MEIKIN: variants seen among roughly 807,000 people sequenced by gnomAD.
MEIKIN encodes the protein meiotic kinetochore factor.
rs558547230 is a variant in MEIKIN, at chr5:131,866,691, G to GGAGGGAGGGAAGGTGAGAGAGC, written c.775-11879_775-11858dup. Among the ~76,000 whole-genome samples the GGAGGGAGGGAAGGTGAGAGAGC allele has an allele frequency of 1.1e-4, 16 of 152,328 alleles. No individual in the cohort carries two copies. The East Asian group carries it at 2.3e-3, about 22-fold the overall frequency. On this transcript the variant is annotated intron_variant, in intron 9 of 12. Transcript: ENST00000442687. The stretch of plus-strand genomic sequence containing the variant: ...GTCTGTGGCTGCCTCTTCAGCCCCA[G>GGAGGGAGGGAAGGTGAGAGAGC]GAGGGAGGGAAGGTGAGAGAGCAAG...
At chr5:131,864,340 T>C (rs188500886) in intron 9 of MEIKIN, among the ~76,000 whole-genome samples, 3 of 152,322 alleles carry the variant, frequency 2.0e-5, no homozygotes, top group Admixed American at 2.0e-4. Context: ...ACTTGTGAGT[T>C]TTATAGTTTC....
At chr5:131,847,149 A>C (rs1750035807) in intron 11 of MEIKIN, among the ~76,000 whole-genome samples, 1 of 152,170 alleles carries the variant, frequency 6.6e-6, no homozygotes, top group Non-Finnish European at 1.5e-5. Context: ...GAAGGACAAA[A>C]AAAGATAAAG....
intron 11 of MEIKIN, among the ~76,000 whole-genome samples, chr5:131,842,060 C>T (rs1749924984): frequency 6.6e-6 from 1 of 151,756 alleles, no homozygotes; most frequent in Non-Finnish European, 1.5e-5. Context: ...AGTGCAGTGG[C>T]ACGATCTTGG....
At position 131,942,622 on chromosome 5, in the gene MEIKIN, T is replaced by C. The variant is rs966151079; in HGVS notation, c.349+13A>G. On this transcript the variant is annotated intron_variant, in intron 4 of 12. Transcript: ENST00000442687. ...AACAGAAAGCTGAGGGAGTTCACAT[T>C]TGACAGTCTTACCTGATACTAGTTC... is the stretch of plus-strand genomic sequence containing the variant. The C allele has an allele frequency of 2.5e-6, 1 of 398,426 alleles. No individual in the cohort carries two copies. The highest frequency in any genetic ancestry group is 4.4e-5 in the Admixed American group (1 of 22,726). The allele number at this position is 398,426 out of a possible 1,614,324, so 24.7% of individuals were successfully genotyped here. A position where few individuals can be genotyped will look rare whatever the true frequency, so the allele number is the denominator to read the frequency against.
At chr5:131,885,456 T>C (rs1202501132) in intron 8 of MEIKIN, among the ~76,000 whole-genome samples, 1 of 134,322 alleles carries the variant, frequency 7.4e-6, no homozygotes, top group Non-Finnish European at 1.6e-5. Flanking sequence ...TGGGAGAAAG[T>C]AAGGGAAAAG....
At chr5:131,880,766 G>A (rs1429580105) in intron 8 of MEIKIN, among the ~76,000 whole-genome samples, 20 of 152,148 alleles carry the variant, frequency 1.3e-4, no homozygotes, top group Admixed American at 1.3e-3. Context: ...TTTATGACCT[G>A]TGTATTTCTT....
intron 8 of MEIKIN, among the ~76,000 whole-genome samples, chr5:131,907,487 A>G (rs1751260437): frequency 6.6e-6 from 1 of 151,648 alleles, no homozygotes; most frequent in Non-Finnish European, 1.5e-5. Flanking sequence ...ATTACAACTG[A>G]TACTGCAGAC....
chr5:131,878,794 G>C, intron 9 of MEIKIN, 184 bp downstream of exon 9: 1 of 362,602 alleles, frequency 2.8e-6, no homozygotes, highest in Non-Finnish European at 4.9e-6. Context: ...AGAACAGCTT[G>C]AGCCCAGAAG....
intron 5 of MEIKIN, among the ~76,000 whole-genome samples, chr5:131,928,637 G>T (rs2149650659): frequency 6.6e-6 from 1 of 152,110 alleles, no homozygotes; most frequent in African/African-American, 2.4e-5. Context: ...TCGTATACCA[G>T]AACTAAAAGT....
At chr5:131,815,407 T>A (rs1453655440) in intron 12 of MEIKIN, among the ~76,000 whole-genome samples, 2 of 151,824 alleles carry the variant, frequency 1.3e-5, no homozygotes, top group Non-Finnish European at 2.9e-5. Context: ...AATCAAGGGG[T>A]AGAAACAAAA....
chr5:131,873,218 G>C (rs1750540198), intron 9 of MEIKIN, among the ~76,000 whole-genome samples: 1 of 152,166 alleles, frequency 6.6e-6, no homozygotes, highest in Non-Finnish European at 1.5e-5. Flanking sequence ...TGGATAACGA[G>C]TCAAGACCCA....
At chr5:131,871,996 G>A (rs1750512023) in intron 9 of MEIKIN, among the ~76,000 whole-genome samples, 4 of 151,924 alleles carry the variant, frequency 2.6e-5, no homozygotes, top group Admixed American at 2.0e-4. Flanking sequence ...AAACCCATCC[G>A]TACGTCACCA....
intron 11 of MEIKIN, among the ~76,000 whole-genome samples, chr5:131,850,144 A>T (rs1580871724): frequency 6.6e-6 from 1 of 152,276 alleles, no homozygotes; most frequent in East Asian, 1.9e-4. Flanking sequence ...AAAGACCTAC[A>T]CAATAAAAAC....
chr5:131,899,610 GAC>G (rs1242351218), intron 8 of MEIKIN, among the ~76,000 whole-genome samples: 4 of 146,280 alleles, frequency 2.7e-5, no homozygotes, highest in Non-Finnish European at 6.0e-5. Flanking sequence ...CACCTATAAA[GAC>G]ACACACAGAC....
chr5:131,887,461 T>C (rs1750819764), intron 8 of MEIKIN, among the ~76,000 whole-genome samples: 2 of 152,182 alleles, frequency 1.3e-5, no homozygotes, highest in Non-Finnish European at 2.9e-5. Flanking sequence ...CCACCAACAG[T>C]GTAAAAGCAT....
intron 5 of MEIKIN, among the ~76,000 whole-genome samples, chr5:131,925,540 T>C (rs2149649413): frequency 6.6e-6 from 1 of 152,344 alleles, no homozygotes; most frequent in East Asian, 1.9e-4. Context: ...GTAAATGAGA[T>C]TGTTTTATTT....
intron 12 of MEIKIN, among the ~76,000 whole-genome samples, chr5:131,812,028 G>GA (rs1275681182): frequency 6.6e-6 from 1 of 152,122 alleles, no homozygotes; most frequent in African/African-American, 2.4e-5. Flanking sequence ...CGGCACCCTA[G>GA]AATTCCCCCT....
At chr5:131,855,746 G>A (rs1750181694) in intron 9 of MEIKIN, among the ~76,000 whole-genome samples, 1 of 152,038 alleles carries the variant, frequency 6.6e-6, no homozygotes, top group African/African-American at 2.4e-5. Flanking sequence ...GACAGAGAAG[G>A]ACAGTGAGAG....
chr5:131,906,504 C>G (rs1751245614), intron 8 of MEIKIN, among the ~76,000 whole-genome samples: 1 of 151,974 alleles, frequency 6.6e-6, no homozygotes, highest in African/African-American at 2.4e-5. Flanking sequence ...ACCCAGCAAT[C>G]CCATTATTGG....
Sources: allele counts gnomAD v4.1 joint callset (sites outside exome capture counted in the v4.1 genomes callset), GRCh38; gene constraint gnomAD v4.1.1; transcripts MANE v1.5; gene names NCBI Gene and HGNC (gene_info 2026-07-23, HGNC 2026-07-21).